Variants in CAMTA1 observed in about 807,000 individuals in gnomAD.
CAMTA1 encodes calmodulin-binding transcription activator 1.
In CAMTA1, 27 loss-of-function variants were observed where a neutral mutation model predicts 170.9. The observed-to-expected ratio is 0.16, with a 90% confidence interval of 0.12 to 0.22. The LOEUF (loss-of-function observed/expected upper bound fraction) is 0.22, where lower values mean the gene tolerates loss of function less well. Ranked by LOEUF, CAMTA1 falls within the 10% of genes least tolerant of loss-of-function variation. CAMTA1 has a pLI of 1.00. For synonymous variants in CAMTA1, 833 were observed against 891.5 expected (o/e 0.93, Z 1.17); for missense variants, 1,619 against 2,217.2 (o/e 0.73, Z 5.42).
rs144617971 is a variant in CAMTA1, at chr1:7,207,805, G to A, written c.303-41686G>A. 9.8e-5 allele frequency among the ~76,000 whole-genome samples: 15 copies of A among 152,290 alleles called. No homozygotes were observed. In the East Asian group the frequency reaches 1.7e-3, roughly 18 times the overall value. On this transcript the variant is annotated intron_variant, in intron 4 of 22. Transcript: ENST00000303635. ...TCTCCCCAGTCTTCGTGAAATAAGA[G>A]CTCTTCTCTTCCTTTAGTGTTTGGG...
At chr1:7,579,552 CTTTTTTTTTT>C (rs3034816) in intron 6 of CAMTA1, among the ~76,000 whole-genome samples, 26 of 79,196 alleles carry the variant, frequency 3.3e-4, no homozygotes, top group African/African-American at 1.2e-3. Context: ...CTTTTCTTTT[CTTTTTTTTTT>C]TTTTTTTTTT....
chr1:7,118,671 T>A (rs1644477675), intron 4 of CAMTA1, among the ~76,000 whole-genome samples: 1 of 152,182 alleles, frequency 6.6e-6, no homozygotes, highest in Non-Finnish European at 1.5e-5. Context: ...GTTTGAAATT[T>A]TTTATTGTTA....
At chr1:7,128,659 A>ATTT (rs753333323) in intron 4 of CAMTA1, among the ~76,000 whole-genome samples, 1 of 140,474 alleles carries the variant, frequency 7.1e-6, no homozygotes. Context: ...GATTAGCCCT[A>ATTT]TTTTTTTTTT....
At chr1:7,491,789 C>T (rs2093707095) in intron 6 of CAMTA1, among the ~76,000 whole-genome samples, 2 of 152,194 alleles carry the variant, frequency 1.3e-5, no homozygotes, top group East Asian at 3.9e-4. Flanking sequence ...CATTTCCTGT[C>T]GCGAAGCCAG....
At chr1:7,025,136 T>G (rs1313169869) in intron 3 of CAMTA1, among the ~76,000 whole-genome samples, 1 of 152,240 alleles carries the variant, frequency 6.6e-6, no homozygotes, top group African/African-American at 2.4e-5. Flanking sequence ...AAAGATGGTT[T>G]CATTGCAGCT....
At chr1:6,902,433 A>G (rs1206668347) in intron 3 of CAMTA1, among the ~76,000 whole-genome samples, 1 of 152,240 alleles carries the variant, frequency 6.6e-6, no homozygotes, top group Non-Finnish European at 1.5e-5. Context: ...CATTATGATT[A>G]GTGAGAAGAA....
intron 5 of CAMTA1, among the ~76,000 whole-genome samples, chr1:7,287,789 CCTT>C (rs1263450096): frequency 3.9e-5 from 6 of 152,292 alleles, no homozygotes; most frequent in East Asian, 1.9e-4. Flanking sequence ...GATCCTGGCT[CCTT>C]CTATTGTGTG....
intron 5 of CAMTA1, among the ~76,000 whole-genome samples, chr1:7,431,612 G>A (rs72856688): frequency 0.011 from 1,603 of 152,262 alleles, 18 homozygotes; most frequent in African/African-American, 0.037. Flanking sequence ...TGGGGTGGGC[G>A]CCAGGCAGTT....
chr1:7,019,317 A>G (rs1179091787), intron 3 of CAMTA1, among the ~76,000 whole-genome samples: 1 of 131,160 alleles, frequency 7.6e-6, no homozygotes, highest in Non-Finnish European at 1.7e-5. Flanking sequence ...ACCTAGAAAT[A>G]GGTTCCTTTG....
intron 5 of CAMTA1, among the ~76,000 whole-genome samples, chr1:7,365,925 A>G (rs1405847189): frequency 2.0e-5 from 3 of 152,176 alleles, no homozygotes; most frequent in East Asian, 1.9e-4. Context: ...CAGGGTCATC[A>G]GCTTCCTGCG....
intron 11 of CAMTA1, among the ~76,000 whole-genome samples, chr1:7,702,465 G>A (rs959255487): frequency 6.6e-5 from 10 of 152,138 alleles, no homozygotes; most frequent in Non-Finnish European, 1.0e-4. Context: ...CGAGTTCCCC[G>A]GCACTTTAGA....
At position 7,641,904 on chromosome 1, in the gene CAMTA1, A is replaced by G. The variant is rs955810885; in HGVS notation, c.664+1351A>G. On this transcript the variant is annotated intron_variant, in intron 7 of 22. Transcript: ENST00000303635. The surrounding 1 kb of genome is among the most constrained non-coding windows in gnomAD (Gnocchi z 4.5). ...GCTTAAAACCACTCAATGCCCATTC[A>G]ATGCACGCTCAATGCCCAAGCTCCT... Among the ~76,000 whole-genome samples, 16 of 152,054 alleles carry G rather than the reference A, an allele frequency of 1.1e-4. No homozygotes were observed. The highest frequency in any genetic ancestry group is 9.8e-4 in the Admixed American group (15 of 15,280).
chr1:6,861,392 C>T (rs1183774698), intron 3 of CAMTA1, among the ~76,000 whole-genome samples: 1 of 152,226 alleles, frequency 6.6e-6, no homozygotes, highest in African/African-American at 2.4e-5. Flanking sequence ...TTTCTTGTCA[C>T]TGAGATGGAA....
chr1:7,407,729 A>G (rs993406403), intron 5 of CAMTA1, among the ~76,000 whole-genome samples: 4 of 152,086 alleles, frequency 2.6e-5, no homozygotes. Context: ...TCTGCCAGGC[A>G]TGTTCACGAG....
intron 5 of CAMTA1, among the ~76,000 whole-genome samples, chr1:7,430,754 G>A (rs1387487251): frequency 6.6e-6 from 1 of 152,166 alleles, no homozygotes; most frequent in Non-Finnish European, 1.5e-5. Flanking sequence ...TGCTGGAGAG[G>A]CCTCTATTTC....
At chr1:7,389,158 G>C (rs537054013) in intron 5 of CAMTA1, among the ~76,000 whole-genome samples, 1 of 152,196 alleles carries the variant, frequency 6.6e-6, no homozygotes, top group Admixed American at 6.5e-5. Context: ...GCTGTGAGAC[G>C]ACCCTGGAGA....
chr1:7,670,784 C>T (rs1343271332), intron 9 of CAMTA1, 127 bp from the exon 10 acceptor site: 1 of 1,046,402 alleles, frequency 9.6e-7, no homozygotes, highest in Admixed American at 2.2e-5. Flanking sequence ...GAGTGAGGGC[C>T]TGGGAATCTG....
intron 4 of CAMTA1, among the ~76,000 whole-genome samples, chr1:7,125,258 A>T (rs776986476): frequency 4.6e-5 from 7 of 152,104 alleles, no homozygotes; most frequent in African/African-American, 7.2e-5. Flanking sequence ...GGACACTAGA[A>T]GTTCAAATGG....
At chr1:6,886,301 C>T (rs1402948737) in intron 3 of CAMTA1, 1 of 455,032 alleles carries the variant, frequency 2.2e-6, no homozygotes, top group Admixed American at 2.4e-5. Flanking sequence ...AAGTCAGAAG[C>T]TGCTGTCTGA....
Sources: gnomAD v4.1 joint callset for allele counts (sites outside exome capture counted in the v4.1 genomes callset) on GRCh38, gnomAD v4.1.1 for gene constraint, Gnocchi (gnomAD v3.1) non-coding constraint, MANE v1.5 for transcripts, NCBI Gene and HGNC (gene_info 2026-07-23, HGNC 2026-07-21) for gene names.